COPG2: variants seen among roughly 807,000 people sequenced by gnomAD.
The protein encoded by COPG2 is coatomer subunit gamma-2.
Under a neutral mutation model 46.3 loss-of-function variants are expected in COPG2, and 37 were observed. The ratio of observed to expected loss-of-function variants is 0.80; its 90% CI spans 0.61 to 1.05. The LOEUF (loss-of-function observed/expected upper bound fraction) is 1.05, where lower values mean the gene tolerates loss of function less well. Among genes scored for constraint, COPG2 ranks in the 50% least tolerant of loss-of-function variants. The pLI is 0.00. For synonymous variants in COPG2, 159 were observed against 129.7 expected (o/e 1.23, Z -1.53); for missense variants, 427 against 387.8 (o/e 1.10, Z -0.85).
At chr7:130,525,448 C>T (rs1385917125) in intron 20 of COPG2, among the ~76,000 whole-genome samples, 3 of 152,230 alleles carry the variant, frequency 2.0e-5, no homozygotes, top group South Asian at 2.1e-4. Flanking sequence ...AGCATCACTG[C>T]ATGGTAAGAT....
intron 20 of COPG2, among the ~76,000 whole-genome samples, chr7:130,543,966 A>G (rs920707101): frequency 6.6e-6 from 1 of 152,216 alleles, no homozygotes; most frequent in African/African-American, 2.4e-5. Flanking sequence ...AGGAAATCTC[A>G]GACTGAGAAT....
At chr7:130,665,742 T>C (rs1357661152) in intron 3 of COPG2, among the ~76,000 whole-genome samples, 1 of 151,912 alleles carries the variant, frequency 6.6e-6, no homozygotes, top group Non-Finnish European at 1.5e-5. Context: ...CTGGAACCAA[T>C]TCCCCACTGA....
intron 12 of COPG2, among the ~76,000 whole-genome samples, chr7:130,556,477 C>A (rs1288424569): frequency 6.6e-6 from 1 of 152,072 alleles, no homozygotes; most frequent in Non-Finnish European, 1.5e-5. Context: ...AATCGGATAA[C>A]CCCAAATCCA....
chr7:130,605,216 T>A (rs1794706338), intron 9 of COPG2: 1 of 520,068 alleles, frequency 1.9e-6, no homozygotes, highest in African/African-American at 1.9e-5. Context: ...TAACTCTCTT[T>A]GACTCTCTCA....
At position 130,588,466 on chromosome 7, in the gene COPG2, A is replaced by G. The variant is rs533103116; in HGVS notation, c.737+22487T>C. Among the ~76,000 whole-genome samples the G allele has an allele frequency of 6.4e-4, 97 of 152,306 alleles. No individual in the cohort carries two copies. In the South Asian group the frequency reaches 0.02, roughly 31 times the overall value. ...ATACACCATGGAATACTATGCAGCC[A>G]TAAAAAATGATGAGTTCATGTTCTT... On this transcript the variant is annotated intron_variant, in intron 9 of 23. Coordinates refer to ENST00000425248, the MANE Select transcript of COPG2 (RefSeq NM_012133.6).
At chr7:130,536,184 T>C (rs981311130) in intron 20 of COPG2, among the ~76,000 whole-genome samples, 1 of 151,322 alleles carries the variant, frequency 6.6e-6, no homozygotes, top group African/African-American at 2.4e-5. Context: ...TGTTAAGGGG[T>C]AAATGGGGCA....
At chr7:130,548,629 G>GC (rs1793482958) in intron 18 of COPG2, 87 bp from the exon 19 acceptor site, 110 of 394,926 alleles carry the variant, frequency 2.8e-4, no homozygotes, top group Non-Finnish European at 3.4e-4. Flanking sequence ...TTGGCCAGGA[G>GC]CAGTGGCTCA....
At chr7:130,537,940 G>C (rs1406531178) in intron 20 of COPG2, among the ~76,000 whole-genome samples, 1 of 152,162 alleles carries the variant, frequency 6.6e-6, no homozygotes, top group Non-Finnish European at 1.5e-5. Flanking sequence ...GCGAGACGAT[G>C]AAAGGCCAGA....
intron 19 of COPG2, among the ~76,000 whole-genome samples, 179 bp from the exon 20 acceptor site, chr7:130,548,024 T>C (rs1793473214): frequency 6.6e-6 from 1 of 152,234 alleles, no homozygotes; most frequent in Non-Finnish European, 1.5e-5. Flanking sequence ...CTTTTGTTTA[T>C]ATTATTCATC....
chr7:130,648,187 T>G (rs1440954376), intron 5 of COPG2, among the ~76,000 whole-genome samples: 1 of 152,208 alleles, frequency 6.6e-6, no homozygotes, highest in Non-Finnish European at 1.5e-5. Context: ...TTTCTATGCA[T>G]ACAGAAAGGT....
intron 20 of COPG2, among the ~76,000 whole-genome samples, chr7:130,511,166 G>A (rs1554440957): frequency 1.3e-5 from 2 of 152,206 alleles, no homozygotes; most frequent in African/African-American, 4.8e-5. Flanking sequence ...GAGTGGGAAA[G>A]GTGGGAGGGA....
intron 20 of COPG2, chr7:130,510,302 G>A: frequency 2.0e-6 from 1 of 498,198 alleles, no homozygotes; most frequent in Non-Finnish European, 4.0e-6. Context: ...AATGCCATTA[G>A]GGGTTGAGAA....
At chr7:130,594,641 A>G (rs1310593002) in intron 9 of COPG2, among the ~76,000 whole-genome samples, 1 of 152,240 alleles carries the variant, frequency 6.6e-6, no homozygotes. Flanking sequence ...CAACATATAC[A>G]AAGAACTAAT....
At chr7:130,641,205 A>G (rs1202651672) in intron 5 of COPG2, among the ~76,000 whole-genome samples, 1 of 151,432 alleles carries the variant, frequency 6.6e-6, no homozygotes, top group Non-Finnish European at 1.5e-5. Flanking sequence ...AGAGAACAAC[A>G]GAGAAGACAA....
At chr7:130,533,981 T>A (rs1396515100) in intron 20 of COPG2, among the ~76,000 whole-genome samples, 1 of 3,644 alleles carries the variant, frequency 2.7e-4, no homozygotes. Context: ...TTTATTGGGG[T>A]GGGGTGGGGG....
intron 9 of COPG2, among the ~76,000 whole-genome samples, chr7:130,576,204 C>T (rs1185151976): frequency 6.6e-6 from 1 of 152,150 alleles, no homozygotes; most frequent in South Asian, 2.1e-4. Context: ...TTAAACTATA[C>T]CTTCGAACAA....
intron 5 of COPG2, chr7:130,645,108 AT>A: frequency 2.4e-6 from 1 of 410,054 alleles, no homozygotes; most frequent in Non-Finnish European, 4.7e-6. Flanking sequence ...TTAAGCATCC[AT>A]TTTTTCAGGT....
chr7:130,532,853 G>A (rs1799842333), intron 20 of COPG2, among the ~76,000 whole-genome samples: 1 of 152,102 alleles, frequency 6.6e-6, no homozygotes, highest in African/African-American at 2.4e-5. Flanking sequence ...GTGGGTGCGG[G>A]GCCTGGTCAA....
chr7:130,578,446 C>T (rs2116432451), intron 9 of COPG2, among the ~76,000 whole-genome samples: 1 of 151,812 alleles, frequency 6.6e-6, no homozygotes, highest in South Asian at 2.1e-4. Context: ...AGCGCCTCTC[C>T]TCCTCCAAAG....
Sources: allele counts gnomAD v4.1 joint callset (sites outside exome capture counted in the v4.1 genomes callset), GRCh38; gene constraint gnomAD v4.1.1; transcripts MANE v1.5; gene names NCBI Gene and HGNC (gene_info 2026-07-23, HGNC 2026-07-21).